WDR70: variants seen among roughly 807,000 people sequenced by gnomAD.
The protein encoded by WDR70 is WD repeat domain 70.
In WDR70, 53 loss-of-function variants were observed where a neutral mutation model predicts 88.6. The observed-to-expected ratio is 0.60, with a 90% CI of 0.48 to 0.75. WDR70 has a LOEUF of 0.75. Among genes scored for constraint, WDR70 ranks in the 30% least tolerant of loss-of-function variants. WDR70 has a pLI of 0.00. For missense variants in WDR70, 610 were observed against 823.2 expected, an observed-to-expected ratio of 0.74 and a Z score of 3.17; for synonymous variants, 280 against 270.0, an observed-to-expected ratio of 1.04 and a Z score of -0.36.
At chr5:37,697,879 G>T in intron 11 of WDR70, 125 bp downstream of exon 11, 1 of 631,538 alleles carries the variant, frequency 1.6e-6, no homozygotes. Flanking sequence ...ACCTTTGCCA[G>T]TCTGATTTCT....
chr5:37,693,920 C>T (rs1333273744), intron 10 of WDR70, among the ~76,000 whole-genome samples: 2 of 152,142 alleles, frequency 1.3e-5, no homozygotes, highest in African/African-American at 4.8e-5. Flanking sequence ...AACAGGCAAC[C>T]TACAAAATGG....
intron 8 of WDR70, among the ~76,000 whole-genome samples, chr5:37,501,227 T>C (rs1006451249): frequency 9.2e-5 from 14 of 152,222 alleles, no homozygotes; most frequent in African/African-American, 2.9e-4. Flanking sequence ...ACTCTGATGA[T>C]TATTTCTTTT....
chr5:37,381,299 T>C (rs1748416232), intron 2 of WDR70, among the ~76,000 whole-genome samples: 1 of 152,250 alleles, frequency 6.6e-6, no homozygotes, highest in African/African-American at 2.4e-5. Context: ...ATAACCTTAA[T>C]TATATTGCAA....
intron 9 of WDR70, among the ~76,000 whole-genome samples, chr5:37,580,325 C>A (rs1416398428): frequency 6.6e-6 from 1 of 152,192 alleles, no homozygotes; most frequent in Non-Finnish European, 1.5e-5. Flanking sequence ...GGTGTCCCAT[C>A]TGCTTAACAC....
At chr5:37,554,065 A>G (rs1742225400) in intron 9 of WDR70, among the ~76,000 whole-genome samples, 1 of 150,914 alleles carries the variant, frequency 6.6e-6, no homozygotes, top group Admixed American at 6.6e-5. Context: ...CATTTGGTTA[A>G]TTAATTTGTT....
chr5:37,562,252 G>C (rs564188724), intron 9 of WDR70, among the ~76,000 whole-genome samples: 13 of 152,144 alleles, frequency 8.5e-5, no homozygotes, highest in African/African-American at 2.9e-4. Flanking sequence ...AGCTACTTGG[G>C]AGGCTAAGGC....
intron 8 of WDR70, among the ~76,000 whole-genome samples, chr5:37,500,477 C>T (rs927452684): frequency 7.9e-5 from 12 of 152,074 alleles, no homozygotes; most frequent in African/African-American, 1.9e-4. Flanking sequence ...TTGGATCGAA[C>T]GGTAGATTTA....
At chr5:37,584,617 C>T (rs4869438) in intron 9 of WDR70, among the ~76,000 whole-genome samples, 2 of 151,606 alleles carry the variant, frequency 1.3e-5, no homozygotes, top group Non-Finnish European at 2.9e-5. Flanking sequence ...CTTGGTTGGT[C>T]GAGTGAAAAA....
chr5:37,385,518 CAAAA>C (rs1160087859), intron 3 of WDR70, among the ~76,000 whole-genome samples: 2 of 67,864 alleles, frequency 2.9e-5, no homozygotes, highest in Admixed American at 2.2e-4. Flanking sequence ...GAGCCTGTCT[CAAAA>C]AAAAAAAAAA....
intron 10 of WDR70, among the ~76,000 whole-genome samples, chr5:37,684,589 C>T (rs4608942): frequency 0.25 from 37,881 of 152,210 alleles, 5,286 homozygotes; most frequent in Admixed American, 0.38. Flanking sequence ...TCCCGACTCC[C>T]GGACTGCATG....
intron 8 of WDR70, among the ~76,000 whole-genome samples, chr5:37,497,259 C>T (rs1014875572): frequency 2.1e-5 from 3 of 145,246 alleles, no homozygotes; most frequent in Non-Finnish European, 4.5e-5. Flanking sequence ...TTCCCTTCCT[C>T]CCTTCCTCCC....
intron 10 of WDR70, 24 bp from the exon 11 acceptor site, chr5:37,697,631 C>T: frequency 6.3e-7 from 1 of 1,593,634 alleles, no homozygotes; most frequent in Non-Finnish European, 8.6e-7. Context: ...GAGATATTAA[C>T]ACTTTGTTTG....
chr5:37,415,018 A>G (rs1749656208), intron 5 of WDR70, among the ~76,000 whole-genome samples: 1 of 151,178 alleles, frequency 6.6e-6, no homozygotes, highest in South Asian at 2.1e-4. Flanking sequence ...CATCTGTTTA[A>G]CAAAGCACAT....
chr5:37,497,454 T>TTCCGTCTTCCATTC (rs1317146969), intron 8 of WDR70, among the ~76,000 whole-genome samples: 1 of 110,220 alleles, frequency 9.1e-6, no homozygotes, highest in Non-Finnish European at 1.8e-5. Flanking sequence ...GTCTTCCCTT[T>TTCCGTCTTCCATTC]CCTTCCGTCT....
At chr5:37,584,506 A>G (rs1743309897) in intron 9 of WDR70, among the ~76,000 whole-genome samples, 1 of 151,822 alleles carries the variant, frequency 6.6e-6, no homozygotes, top group Non-Finnish European at 1.5e-5. Context: ...TCAAAAGATG[A>G]ATATTTATCT....
At chr5:37,698,881 G>A (rs557694597) in intron 11 of WDR70, among the ~76,000 whole-genome samples, 1 of 152,258 alleles carries the variant, frequency 6.6e-6, no homozygotes, top group South Asian at 2.1e-4. Flanking sequence ...ACATGTACAT[G>A]TAATTCTCTA....
chr5:37,547,014 T>C lies in WDR70; in HGVS notation c.917+30424T>C, dbSNP rs1742020772. Among the ~76,000 whole-genome samples the C allele has an allele frequency of 3.3e-5, 5 of 152,314 alleles. 1 individual carries two copies. The South Asian group carries it at 1.0e-3, about 32-fold the overall frequency. ...TACTTGTTTACAGGTTTCCCTATAT[T>C]AACAGAGGATTTGATAGAGGTTGGG... On this transcript the variant is annotated intron_variant, in intron 9 of 17. Coordinates refer to ENST00000265107, the MANE Select transcript of WDR70 (RefSeq NM_018034.4).
intron 17 of WDR70, among the ~76,000 whole-genome samples, chr5:37,750,285 G>C (rs558785128): frequency 6.6e-6 from 1 of 152,290 alleles, no homozygotes; most frequent in African/African-American, 2.4e-5. Flanking sequence ...TGTAATCCCA[G>C]CACTTTGGGA....
At chr5:37,708,262 G>A (rs1455146370) in intron 13 of WDR70, among the ~76,000 whole-genome samples, 2 of 151,136 alleles carry the variant, frequency 1.3e-5, no homozygotes, top group African/African-American at 2.4e-5. Flanking sequence ...TTAAGTATCT[G>A]GTGTGTTCTG....
Sources: allele counts gnomAD v4.1 joint callset (sites outside exome capture counted in the v4.1 genomes callset), GRCh38; gene constraint gnomAD v4.1.1; transcripts MANE v1.5; gene names NCBI Gene and HGNC (gene_info 2026-07-23, HGNC 2026-07-21).